Variants in NAA30 observed in about 807,000 individuals in gnomAD.
The protein encoded by NAA30 is N-alpha-acetyltransferase 30, NatC catalytic subunit.
Under a neutral mutation model 31.4 loss-of-function variants are expected in NAA30, and 5 were observed. The ratio of observed to expected loss-of-function variants is 0.16; its 90% CI spans 0.08 to 0.33. The LOEUF (loss-of-function observed/expected upper bound fraction) is 0.33. Among genes scored for constraint, NAA30 ranks in the 10% least tolerant of loss-of-function variants. NAA30 has a pLI of 1.00. For missense variants in NAA30, 428 were observed against 490.8 expected, an observed-to-expected ratio of 0.87 and a Z score of 1.21; for synonymous variants, 222 against 207.1, an observed-to-expected ratio of 1.07 and a Z score of -0.62.
rs528783212 is a variant in NAA30, at chr14:57,409,337, A to G, written c.952-42A>G. 14 of 1,462,074 alleles carry G rather than the reference A, an allele frequency of 9.6e-6. No individual in the cohort carries two copies. The South Asian group carries it at 1.6e-4, about 17-fold the overall frequency. 90.6% of individuals were successfully genotyped at this position (1,462,074 alleles called of 1,614,324 possible). A position where few individuals can be genotyped will look rare whatever the true frequency, so the allele number is the denominator to read the frequency against. On this transcript the variant is annotated intron_variant, in intron 4 of 4. Transcript: ENST00000556492. ...GTTTAGTTGGTAAATTATTTTTTAA[A>G]TTGTGTAATTATAACTTAGTTTTTT...
chr14:57,399,803 A>G, intron 3 of NAA30, 25 bp from the exon 4 acceptor site: 4 of 1,215,970 alleles, frequency 3.3e-6, no homozygotes, highest in Non-Finnish European at 4.8e-6. Flanking sequence ...TTTTTCCTTC[A>G]TTAATACTCA....
intron 3 of NAA30, among the ~76,000 whole-genome samples, chr14:57,398,502 G>A (rs1291653545): frequency 6.6e-6 from 1 of 152,088 alleles, no homozygotes; most frequent in East Asian, 1.9e-4. Flanking sequence ...GTATTGCCCA[G>A]GCTGGAGTGC....
chr14:57,390,862 C>T, intron 1 of NAA30, 95 bp from the exon 2 acceptor site: 3 of 1,279,110 alleles, frequency 2.3e-6, no homozygotes, highest in Non-Finnish European at 3.1e-6. Context: ...GCCTTTGTTC[C>T]CCCCACCTCG....
intron 2 of NAA30, among the ~76,000 whole-genome samples, chr14:57,392,366 T>G (rs952853482): frequency 6.6e-6 from 1 of 152,126 alleles, no homozygotes; most frequent in Non-Finnish European, 1.5e-5. Flanking sequence ...AAAATACCCT[T>G]TTGTGGAATG....
At chr14:57,401,627 C>T (rs758334975) in intron 4 of NAA30, among the ~76,000 whole-genome samples, 1 of 152,172 alleles carries the variant, frequency 6.6e-6, no homozygotes, top group Admixed American at 6.6e-5. Context: ...ATGTTTTGAT[C>T]TTCTGCAGAT....
intron 3 of NAA30, among the ~76,000 whole-genome samples, chr14:57,398,090 C>T (rs777615953): frequency 6.6e-6 from 1 of 152,156 alleles, no homozygotes; most frequent in East Asian, 1.9e-4. Flanking sequence ...TTTTCACTTT[C>T]ATGTTTTTTA....
At chr14:57,401,004 G>GT (rs2066474257) in intron 4 of NAA30, among the ~76,000 whole-genome samples, 1 of 151,576 alleles carries the variant, frequency 6.6e-6, no homozygotes, top group Non-Finnish European at 1.5e-5. Flanking sequence ...CTCAAGTGTT[G>GT]TGATTACAGG....
intron 4 of NAA30, among the ~76,000 whole-genome samples, chr14:57,403,960 T>TA (rs548755911): frequency 6.6e-6 from 1 of 152,208 alleles, no homozygotes; most frequent in South Asian, 2.1e-4. Context: ...TTGATATCCT[T>TA]AAAATCTTAA....
At chr14:57,398,594 A>G (rs1166509426) in intron 3 of NAA30, among the ~76,000 whole-genome samples, 3 of 151,982 alleles carry the variant, frequency 2.0e-5, no homozygotes, top group Non-Finnish European at 4.4e-5. Flanking sequence ...AGCACCTGGG[A>G]CTACAGGCAC....
chr14:57,392,890 C>T (rs1282581357), intron 2 of NAA30, among the ~76,000 whole-genome samples: 1 of 152,128 alleles, frequency 6.6e-6, no homozygotes, highest in Non-Finnish European at 1.5e-5. Context: ...TATTTTCTGT[C>T]TTAACTTGCT....
chr14:57,405,643 G>C (rs1392597061), intron 4 of NAA30, among the ~76,000 whole-genome samples: 41 of 152,028 alleles, frequency 2.7e-4, no homozygotes, highest in Admixed American at 2.7e-3. Flanking sequence ...ACTTTTTCTG[G>C]TCTCTCTCTT....
At chr14:57,392,788 T>C (rs2066435547) in intron 2 of NAA30, among the ~76,000 whole-genome samples, 1 of 152,244 alleles carries the variant, frequency 6.6e-6, no homozygotes, top group Non-Finnish European at 1.5e-5. Flanking sequence ...GGTAATTCCC[T>C]GCAAGATATT....
intron 4 of NAA30, among the ~76,000 whole-genome samples, chr14:57,400,691 TAATA>T (rs891288314): frequency 3.9e-5 from 6 of 152,218 alleles, no homozygotes; most frequent in Non-Finnish European, 2.9e-5. Context: ...AGGTTGACCT[TAATA>T]AATAATTTGT....
intron 1 of NAA30, 86 bp from the exon 2 acceptor site, chr14:57,390,871 C>A: frequency 2.2e-6 from 3 of 1,389,574 alleles, no homozygotes; most frequent in Non-Finnish European, 1.9e-6. Context: ...CCCCCCACCT[C>A]GGCCGCCCCC....
At chr14:57,399,477 G>T (rs1566549569) in intron 3 of NAA30, among the ~76,000 whole-genome samples, 1 of 152,166 alleles carries the variant, frequency 6.6e-6, no homozygotes, top group African/African-American at 2.4e-5. Flanking sequence ...AACTCACGGG[G>T]AGTTCCTGCG....
intron 3 of NAA30, among the ~76,000 whole-genome samples, chr14:57,398,012 G>T (rs552068193): frequency 2.1e-4 from 32 of 152,286 alleles, no homozygotes; most frequent in Admixed American, 2.0e-3. Flanking sequence ...GTCAAATTTT[G>T]TGATGTGCTT....
Position 57,391,170 on chromosome 14 carries a change from C to T in NAA30, c.213C>T (p.Cys71=), listed in dbSNP as rs2066425374. 1 of 1,608,352 alleles carries T rather than the reference C, an allele frequency of 6.2e-7. No homozygotes were observed. The highest frequency in any genetic ancestry group is 1.3e-5 in the African/African-American group (1 of 74,860). The change falls in exon 2 of 5, where the codon TGC becomes TGT. Residue 71 remains cysteine (C), a synonymous_variant. Coordinates refer to ENST00000556492, the MANE Select transcript of NAA30 (RefSeq NM_001011713.3). This position sits in a 1 kb window ranked among gnomAD's most constrained non-coding sequence, Gnocchi z 4.1. ...CGGTGGCGGCCAAGGGGCATCCGTG[C>T]CTCCGCTGCCCTCAGCCGCCGCAGG... ...SATVAAKGHP[C]LRCPQPPQEQ... is the part of the protein sequence containing the mutation.
rs1015285845 is a variant in NAA30 at position 57,390,631 on chromosome 14, C to T, written c.-76C>T. On this transcript the variant is annotated 5_prime_UTR_variant, in exon 1 of 5. Transcript: ENST00000556492. Reference sequence around the variant, plus strand: ...AGAACCTTGGCGGCTGTGGAGGCTGCCGCGGCTGCGAAGGAGGCGGCGGCG... The same window carrying T: ...AGAACCTTGGCGGCTGTGGAGGCTGTCGCGGCTGCGAAGGAGGCGGCGGCG... 19 of 344,966 alleles carry T rather than the reference C, an allele frequency of 5.5e-5. No homozygotes were observed. Among genetic ancestry groups the T allele is most frequent in the Non-Finnish European group, 8.8e-5 (17 of 192,412 alleles). The allele number at this position is 344,966 out of a possible 1,614,324, so 21.4% of individuals were successfully genotyped here.
chr14:57,411,278 A>G lies in NAA30; in HGVS notation c.*1762A>G, dbSNP rs2066521489. The G allele has an allele frequency of 6.6e-6, 1 of 152,124 alleles. No individual in the cohort carries two copies. Among genetic ancestry groups the G allele is most frequent in the South Asian group, 2.1e-4 (1 of 4,832 alleles). 9.4% of individuals were successfully genotyped at this position (152,124 alleles called of 1,614,324 possible). A position where few individuals can be genotyped will look rare whatever the true frequency, so the allele number is the denominator to read the frequency against. On this transcript the variant is annotated 3_prime_UTR_variant, in exon 5 of 5. Transcript: ENST00000556492. ...TAATGAGCAGAATACAATACTGGTT[A>G]TAATAAAAATATGGTAACCACACAG...
Sources: allele counts gnomAD v4.1 joint callset (sites outside exome capture counted in the v4.1 genomes callset), GRCh38; gene constraint gnomAD v4.1.1; non-coding constraint Gnocchi (gnomAD v3.1); transcripts MANE v1.5; gene names NCBI Gene and HGNC (gene_info 2026-07-23, HGNC 2026-07-21).